Variants in ADGRB3 observed in about 807,000 individuals in gnomAD.
The protein encoded by ADGRB3 is brain-specific angiogenesis inhibitor 3.
In ADGRB3, 37 loss-of-function variants were observed where a neutral mutation model predicts 193.4. That is an observed-to-expected ratio of 0.19 (90% confidence interval 0.15 to 0.25). The LOEUF is 0.25. Ranked by LOEUF, ADGRB3 falls within the 10% of genes least tolerant of loss-of-function variation. The probability of loss-of-function intolerance (pLI) is 1.00; values close to 1 mark genes in which losing one functional copy is unlikely to be tolerated. For missense variants in ADGRB3, 1,637 were observed against 1,852.9 expected (o/e 0.88, Z 2.14); for synonymous variants, 690 against 644.2 (o/e 1.07, Z -1.08).
At chr6:69,057,189 A>G (rs1477182365) in intron 15 of ADGRB3, among the ~76,000 whole-genome samples, 1 of 151,806 alleles carries the variant, frequency 6.6e-6, no homozygotes, top group Non-Finnish European at 1.5e-5. Flanking sequence ...TTCCTTTTAG[A>G]TTGTTCATTG....
chr6:68,784,681 G>T (rs978917784), intron 3 of ADGRB3, among the ~76,000 whole-genome samples: 2 of 152,040 alleles, frequency 1.3e-5, no homozygotes, highest in African/African-American at 4.8e-5. Flanking sequence ...CCATTATGCT[G>T]CAAGGTGCTT....
intron 31 of ADGRB3, among the ~76,000 whole-genome samples, chr6:69,387,873 C>T (rs1371896103): frequency 6.6e-6 from 1 of 151,924 alleles, no homozygotes; most frequent in Non-Finnish European, 1.5e-5. Flanking sequence ...AAGGCTTACA[C>T]TCGACAACTA....
rs113059609 is a variant in ADGRB3, at chr6:68,784,893, A to G, written c.757+145461A>G. 2.8e-3 allele frequency among the ~76,000 whole-genome samples: 421 copies of G among 152,178 alleles called. 1 individual carries two copies. The highest frequency in any genetic ancestry group is 9.7e-3 in the African/African-American group (401 of 41,552). On this transcript the variant is annotated intron_variant, in intron 3 of 31. Coordinates refer to ENST00000370598, the MANE Select transcript of ADGRB3 (RefSeq NM_001704.3). ...TCCTTGCCTTGTTTTCTTTTCCTTC[A>G]TAGAGTTTAGTAGTGTTCATTTTAT...
intron 6 of ADGRB3, among the ~76,000 whole-genome samples, chr6:68,954,620 C>T (rs1209560344): frequency 1.3e-5 from 2 of 151,998 alleles, no homozygotes; most frequent in Non-Finnish European, 2.9e-5. Flanking sequence ...AATTTGTTCT[C>T]AATCCTACAC....
chr6:69,087,510 T>C (rs1024562508), intron 17 of ADGRB3, among the ~76,000 whole-genome samples: 1 of 152,152 alleles, frequency 6.6e-6, no homozygotes, highest in African/African-American at 2.4e-5. Flanking sequence ...AGCTTGCTTA[T>C]CACTTCTGAC....
At chr6:68,914,733 G>C (rs1319032584) in intron 3 of ADGRB3, among the ~76,000 whole-genome samples, 2 of 152,130 alleles carry the variant, frequency 1.3e-5, no homozygotes, top group African/African-American at 4.8e-5. Context: ...AAATTTCAAA[G>C]GTATGTGGTT....
intron 17 of ADGRB3, among the ~76,000 whole-genome samples, chr6:69,162,373 T>G (rs528894030): frequency 6.6e-6 from 1 of 152,118 alleles, no homozygotes; most frequent in East Asian, 1.9e-4. Flanking sequence ...GAAAAAGAAC[T>G]GTGTGGAGCT....
chr6:68,674,107 A>G (rs930021354), intron 3 of ADGRB3, among the ~76,000 whole-genome samples: 3 of 152,146 alleles, frequency 2.0e-5, no homozygotes, highest in Non-Finnish European at 2.9e-5. Context: ...GAATCATAGG[A>G]TATGATGACC....
At chr6:69,322,210 T>C (rs1768471137) in intron 20 of ADGRB3, among the ~76,000 whole-genome samples, 1 of 152,014 alleles carries the variant, frequency 6.6e-6, no homozygotes, top group African/African-American at 2.4e-5. Context: ...TGCATAGTAT[T>C]CCATGTTGCA....
intron 3 of ADGRB3, among the ~76,000 whole-genome samples, chr6:68,846,239 C>T (rs1562053936): frequency 6.6e-6 from 1 of 152,062 alleles, no homozygotes; most frequent in Non-Finnish European, 1.5e-5. Flanking sequence ...CTGTTAAATG[C>T]ATTCAGTTTT....
Position 68,956,060 on chromosome 6 carries a change from A to G in ADGRB3, c.1232A>G (p.Gln411Arg), listed in dbSNP as rs142610251. 2.9e-4 allele frequency: 463 copies of G among 1,613,886 alleles called. 2 individuals carry two copies. Among genetic ancestry groups the G allele is most frequent in the Middle Eastern group, 2.7e-3 (16 of 6,002 alleles). Reference sequence around the variant, plus strand: ...TGGCAAGAGTGGAGTTCGTGGAGCCAGTGCTCAGTAACGTGCTCGAATGGG... The same window carrying G: ...TGGCAAGAGTGGAGTTCGTGGAGCCGGTGCTCAGTAACGTGCTCGAATGGG... ...GQWQEWSSWS[Q>R]CSVTCSNGTQ... The change falls in exon 7 of 32, where the codon CAG (glutamine) becomes CGG (arginine). Residue 411 changes from glutamine (Q) to arginine (R), a missense_variant. By Grantham distance (43) the Gln-to-Arg change is conservative. Coordinates refer to ENST00000370598, the MANE Select transcript of ADGRB3 (RefSeq NM_001704.3).
intron 3 of ADGRB3, among the ~76,000 whole-genome samples, chr6:68,828,752 T>C (rs1333986279): frequency 1.3e-5 from 2 of 152,174 alleles, no homozygotes; most frequent in Non-Finnish European, 1.5e-5. Context: ...AATTAGGAAT[T>C]AAATTAAATG....
chr6:68,824,634 A>G (rs1054539085), intron 3 of ADGRB3, among the ~76,000 whole-genome samples: 1 of 148,176 alleles, frequency 6.7e-6, no homozygotes, highest in Non-Finnish European at 1.5e-5. Context: ...AATATATTAT[A>G]TATGTGTTAT....
chr6:68,858,604 A>AC (rs922794072), intron 3 of ADGRB3, among the ~76,000 whole-genome samples: 9 of 151,742 alleles, frequency 5.9e-5, no homozygotes, highest in Non-Finnish European at 1.2e-4. Context: ...AAAAAAAAAA[A>AC]AAAAAAACAC....
chr6:68,872,695 C>G (rs934664246), intron 3 of ADGRB3, among the ~76,000 whole-genome samples: 61 of 152,016 alleles, frequency 4.0e-4, no homozygotes, highest in African/African-American at 1.4e-3. Flanking sequence ...ACTGAAATAA[C>G]ACATCCACAA....
In ADGRB3 at chr6:68,942,615, AT is replaced by A. The variant is rs542531452; in HGVS notation, c.1031-1204del. Among the ~76,000 whole-genome samples the A allele has an allele frequency of 3.0e-3, 441 of 147,530 alleles. 4 individuals are homozygous for A. In the East Asian group the frequency reaches 0.052, roughly 17 times the overall value. On this transcript the variant is annotated intron_variant, in intron 5 of 31. Coordinates refer to ENST00000370598, the MANE Select transcript of ADGRB3 (RefSeq NM_001704.3). ...GCAGGGAAGGGATCAAACACTGAAT[AT>A]TTTTTTTTTTGGAAGATGGAGTCTT...
intron 3 of ADGRB3, among the ~76,000 whole-genome samples, chr6:68,784,707 A>T (rs1346683469): frequency 6.6e-6 from 1 of 152,082 alleles, no homozygotes; most frequent in Non-Finnish European, 1.5e-5. Context: ...GTAGAAATGC[A>T]TTTCTGGTCT....
At chr6:68,808,941 A>T (rs1008451190) in intron 3 of ADGRB3, among the ~76,000 whole-genome samples, 1 of 152,126 alleles carries the variant, frequency 6.6e-6, no homozygotes, top group African/African-American at 2.4e-5. Context: ...GTCCTTTGGG[A>T]TGGGGCTCAG....
intron 17 of ADGRB3, among the ~76,000 whole-genome samples, chr6:69,218,757 T>C (rs1227393458): frequency 6.6e-6 from 1 of 152,146 alleles, no homozygotes; most frequent in Admixed American, 6.6e-5. Context: ...TTGTAGTCAG[T>C]AGACAAAATC....
Sources: gnomAD v4.1 joint callset for allele counts (sites outside exome capture counted in the v4.1 genomes callset) on GRCh38, gnomAD v4.1.1 for gene constraint, MANE v1.5 for transcripts, NCBI Gene and HGNC (gene_info 2026-07-23, HGNC 2026-07-21) for gene names.